Variants in ZMYM5 observed in about 807,000 individuals in gnomAD.
ZMYM5 encodes zinc finger MYM-type containing 5.
In ZMYM5, 41 loss-of-function variants were observed where a neutral mutation model predicts 61.8. That is an observed-to-expected ratio of 0.66 (90% CI 0.52 to 0.86). The LOEUF is 0.86. Among genes scored for constraint, ZMYM5 ranks in the 40% least tolerant of loss-of-function variants. ZMYM5 has a pLI of 0.00. For missense variants in ZMYM5, 706 were observed against 786.7 expected (o/e 0.90, Z 1.23); for synonymous variants, 257 against 276.4 (o/e 0.93, Z 0.70).
At chr13:19,858,767 G>A (rs1324597582) in intron 2 of ZMYM5, among the ~76,000 whole-genome samples, 3 of 152,060 alleles carry the variant, frequency 2.0e-5, no homozygotes, top group African/African-American at 7.2e-5. Flanking sequence ...GAGATAGCCA[G>A]AGTCTAAAAC....
At chr13:19,842,071 T>A (rs182179798) in intron 4 of ZMYM5, 2 of 152,496 alleles carry the variant, frequency 1.3e-5, no homozygotes, top group African/African-American at 4.8e-5. Context: ...CGCCTTGGCC[T>A]TCCAAAGTGC....
At chr13:19,831,997 A>G (rs1021841618) in intron 7 of ZMYM5, among the ~76,000 whole-genome samples, 2 of 150,788 alleles carry the variant, frequency 1.3e-5, no homozygotes, top group African/African-American at 4.9e-5. Context: ...CTGGGATTAC[A>G]GGTGTTCACC....
At position 19,841,535 on chromosome 13, in the gene ZMYM5, A is replaced by AT. The variant is rs1403994106; in HGVS notation, c.587-2551dup. ...TGTCTGATACTTTATACATTTTGTC[A>AT]TTTTTTCCCTAATTATTCTCAGCAA... is the stretch of plus-strand genomic sequence containing the variant. On this transcript the variant is annotated intron_variant, in intron 4 of 7. Transcript: ENST00000337963. Among the ~76,000 whole-genome samples, 190 of 151,032 alleles carry AT rather than the reference A, an allele frequency of 1.3e-3. 1 individual carries two copies. The highest frequency in any genetic ancestry group is 4.0e-3 in the African/African-American group (166 of 41,432).
intron 4 of ZMYM5, among the ~76,000 whole-genome samples, chr13:19,842,219 C>G (rs1392796852): frequency 6.6e-6 from 1 of 152,156 alleles, no homozygotes; most frequent in African/African-American, 2.4e-5. Context: ...ACCAACCCAC[C>G]TACCCCATGG....
At chr13:19,840,899 G>A (rs867571931) in intron 4 of ZMYM5, among the ~76,000 whole-genome samples, 1 of 151,256 alleles carries the variant, frequency 6.6e-6, no homozygotes, top group South Asian at 2.1e-4. Flanking sequence ...GGATGGTCTT[G>A]ATCTCCTGAC....
At chr13:19,854,344 G>C (rs1953427775) in intron 2 of ZMYM5, among the ~76,000 whole-genome samples, 1 of 152,140 alleles carries the variant, frequency 6.6e-6, no homozygotes, top group Admixed American at 6.5e-5. Context: ...AAATTTCCCT[G>C]CTGGGCGTGG....
At chr13:19,841,050 G>A (rs552803659) in intron 4 of ZMYM5, among the ~76,000 whole-genome samples, 82 of 140,960 alleles carry the variant, frequency 5.8e-4, no homozygotes, top group African/African-American at 2.0e-3. Flanking sequence ...TGCAACCTCC[G>A]CCTCCCAGGT....
chr13:19,827,210 T>C (rs915149581), intron 7 of ZMYM5, among the ~76,000 whole-genome samples: 3 of 152,190 alleles, frequency 2.0e-5, no homozygotes, highest in African/African-American at 4.8e-5. Flanking sequence ...TAAAAATTAA[T>C]GTGAAAGTCA....
rs548741902 is a variant in ZMYM5, at chr13:19,846,978, C to T, written c.586+4377G>A. ...GAAAAAAATTTTTTTGAGACAGTCT[C>T]GCTCTGCTGCCCAGGCTGGAGTGCA... On this transcript the variant is annotated intron_variant, in intron 4 of 7. Transcript: ENST00000337963. Among the ~76,000 whole-genome samples the T allele has an allele frequency of 3.3e-5, 5 of 152,160 alleles. No individual in the cohort carries two copies. In the South Asian group the frequency reaches 8.3e-4, roughly 25 times the overall value.
intron 4 of ZMYM5, among the ~76,000 whole-genome samples, chr13:19,848,230 C>T (rs1311330775): frequency 6.6e-6 from 1 of 152,006 alleles, no homozygotes; most frequent in African/African-American, 2.4e-5. Context: ...GGTGATCCGA[C>T]AGCCTTGGCC....
At chr13:19,837,032 T>C (rs1952695742) in intron 6 of ZMYM5, among the ~76,000 whole-genome samples, 1 of 123,630 alleles carries the variant, frequency 8.1e-6, no homozygotes, top group Non-Finnish European at 1.7e-5. Context: ...TTGTTTTTTT[T>C]TTTTTCTTTC....
At chr13:19,845,243 T>C (rs1010282235) in intron 4 of ZMYM5, among the ~76,000 whole-genome samples, 10 of 152,208 alleles carry the variant, frequency 6.6e-5, no homozygotes, top group African/African-American at 2.4e-4. Flanking sequence ...TATAGTCTAC[T>C]TGTATTCAGC....
chr13:19,846,748 TC>T (rs982339651), intron 4 of ZMYM5, among the ~76,000 whole-genome samples: 5 of 148,646 alleles, frequency 3.4e-5, no homozygotes, highest in Non-Finnish European at 5.9e-5. Context: ...CCAAATACAG[TC>T]CCCCCCTTTT....
At chr13:19,855,390 G>A (rs947064772) in intron 2 of ZMYM5, among the ~76,000 whole-genome samples, 1 of 151,820 alleles carries the variant, frequency 6.6e-6, no homozygotes, top group Non-Finnish European at 1.5e-5. Flanking sequence ...AGCCTCCCAA[G>A]TAGCTGGGAC....
intron 2 of ZMYM5, among the ~76,000 whole-genome samples, chr13:19,853,360 A>G (rs1349716262): frequency 2.4e-4 from 36 of 152,184 alleles, no homozygotes. Context: ...GATCACCTCT[A>G]TCTCAACTGA....
At chr13:19,850,044 G>A (rs1210736995) in intron 4 of ZMYM5, among the ~76,000 whole-genome samples, 10 of 150,984 alleles carry the variant, frequency 6.6e-5, no homozygotes, top group African/African-American at 1.5e-4. Flanking sequence ...TCAGGTTCTC[G>A]TTACTTTTCA....
At chr13:19,839,136 G>C in intron 4 of ZMYM5, 151 bp from the exon 5 acceptor site, 1 of 819,012 alleles carries the variant, frequency 1.2e-6, no homozygotes, top group Non-Finnish European at 1.9e-6. Flanking sequence ...ACAATCCCAG[G>C]GGGACTATCC....
rs774108287 is a variant in ZMYM5, at chr13:19,824,879, A to C, written c.1608T>G (p.Thr536=). The C allele has an allele frequency of 8.8e-6, 12 of 1,356,204 alleles. No homozygotes were observed. Among genetic ancestry groups the C allele is most frequent in the African/African-American group, 1.5e-5 (1 of 67,604 alleles). The allele number at this position is 1,356,204 out of a possible 1,614,324, so 84.0% of individuals were successfully genotyped here. A position where few individuals can be genotyped will look rare whatever the true frequency, so the allele number is the denominator to read the frequency against. The change falls in exon 8 of 8, where the codon ACT becomes ACG. Residue 536 remains threonine, a synonymous_variant. Transcript: ENST00000337963. ...CTTGAGGCGGAACATTTTCAACAAG[A>C]GTGTCCCGTTGTTTAATATTCAAAA... ...PRILNIKQRD[T]LVENVPPQVR...
At chr13:19,826,221 A>C (rs1890909187) in intron 7 of ZMYM5, among the ~76,000 whole-genome samples, 1 of 152,034 alleles carries the variant, frequency 6.6e-6, no homozygotes, top group Admixed American at 6.6e-5. Flanking sequence ...GTATGGTGGC[A>C]GGCGCCTGTA....
Sources: gnomAD v4.1 joint callset for allele counts (sites outside exome capture counted in the v4.1 genomes callset) on GRCh38, gnomAD v4.1.1 for gene constraint, MANE v1.5 for transcripts, NCBI Gene and HGNC (gene_info 2026-07-23, HGNC 2026-07-21) for gene names.